Variants in RBFOX3 observed in about 807,000 individuals in gnomAD.
The protein encoded by RBFOX3 is RNA binding protein fox-1 homolog 3.
Under a neutral mutation model 48.7 loss-of-function variants are expected in RBFOX3, and 17 were observed. That is an observed-to-expected ratio of 0.35 (90% confidence interval 0.24 to 0.52). The LOEUF (loss-of-function observed/expected upper bound fraction) is 0.52, where lower values mean the gene tolerates loss of function less well. Among genes scored for constraint, RBFOX3 ranks in the 20% least tolerant of loss-of-function variants. The pLI is 0.94. For missense variants in RBFOX3, 382 were observed against 497.5 expected (o/e 0.77, Z 2.21); for synonymous variants, 212 against 209.5 (o/e 1.01, Z -0.10).
chr17:79,382,785 G>A (rs1017495533), intron 2 of RBFOX3, among the ~76,000 whole-genome samples: 1 of 152,194 alleles, frequency 6.6e-6, no homozygotes, highest in African/African-American at 2.4e-5. Context: ...TGATGCAAAA[G>A]GAACAGGGCT....
intron 3 of RBFOX3, among the ~76,000 whole-genome samples, chr17:79,307,259 C>A (rs897795880): frequency 6.6e-6 from 1 of 152,216 alleles, no homozygotes; most frequent in Non-Finnish European, 1.5e-5. Context: ...CGAGCTCCAC[C>A]GGGAGATCTT....
the RBFOX3 span, among the ~76,000 whole-genome samples, chr17:79,657,570 T>C: frequency 1.3e-5 from 2 of 152,156 alleles, no homozygotes; most frequent in East Asian, 3.9e-4. Flanking sequence ...TCCCAGCTAC[T>C]CAGGAGGCTG....
chr17:79,635,178 C>T, the RBFOX3 span, among the ~76,000 whole-genome samples: 34,413 of 149,006 alleles, frequency 0.23, 4,173 homozygotes, highest in South Asian at 0.33. Context: ...CAGATCTGAG[C>T]AGTGAGGCAT....
rs578205732 is a variant in RBFOX3, at chr17:79,132,115, G to A, written c.-33-16367C>T. Among the ~76,000 whole-genome samples the A allele has an allele frequency of 1.3e-5, 2 of 152,190 alleles. 1 individual carries two copies. The highest frequency in any genetic ancestry group is 4.2e-4 in the South Asian group (2 of 4,814). Reference sequence around the variant, plus strand: ...CAGGTGCAGAGCGGGGTGCTGGGAGGTGAGTTCACCTCGATGGTCAATCAG... The same window carrying A: ...CAGGTGCAGAGCGGGGTGCTGGGAGATGAGTTCACCTCGATGGTCAATCAG... On this transcript the variant is annotated intron_variant, in intron 4 of 14. Transcript: ENST00000693108.
intron 4 of RBFOX3, among the ~76,000 whole-genome samples, chr17:79,221,309 A>G (rs1002520291): frequency 6.6e-6 from 1 of 152,246 alleles, no homozygotes; most frequent in African/African-American, 2.4e-5. Context: ...TAGACAAAAG[A>G]GACTTCTTTC....
At chr17:79,160,130 G>T (rs949748563) in intron 4 of RBFOX3, among the ~76,000 whole-genome samples, 1 of 152,254 alleles carries the variant, frequency 6.6e-6, no homozygotes, top group African/African-American at 2.4e-5. Context: ...ATTCTCCTGA[G>T]ATCTGTGAGT....
intron 4 of RBFOX3, among the ~76,000 whole-genome samples, chr17:79,150,374 T>C (rs2044152862): frequency 6.6e-6 from 1 of 152,038 alleles, no homozygotes; most frequent in Non-Finnish European, 1.5e-5. Flanking sequence ...GCCTGGCCGT[T>C]CTCTGGGCTC....
At chr17:79,150,028 T>TGGGGGGTGGGGGTGGGGGTTGAGGGG (rs2044025014) in intron 4 of RBFOX3, among the ~76,000 whole-genome samples, 1 of 14,592 alleles carries the variant, frequency 6.9e-5, no homozygotes, top group Non-Finnish European at 1.2e-4. Flanking sequence ...GGGTTGAGGG[T>TGGGGGGTGGGGGTGGGGGTTGAGGGG]GGGGGGTGGG....
chr17:79,270,699 G>C (rs903952822), intron 3 of RBFOX3, among the ~76,000 whole-genome samples: 4 of 152,256 alleles, frequency 2.6e-5, no homozygotes, highest in Non-Finnish European at 5.9e-5. Flanking sequence ...GGAGGGGAAA[G>C]AGGCAGTTCT....
intron 2 of RBFOX3, among the ~76,000 whole-genome samples, chr17:79,355,056 T>C (rs1024348257): frequency 1.3e-5 from 2 of 152,214 alleles, no homozygotes; most frequent in African/African-American, 4.8e-5. Context: ...CTCCTCTTTA[T>C]AGCCCCACAC....
intron 1 of RBFOX3, among the ~76,000 whole-genome samples, chr17:79,566,167 C>T (rs1043493952): frequency 3.3e-5 from 5 of 152,174 alleles, no homozygotes; most frequent in African/African-American, 1.2e-4. Context: ...CCCTATGGCA[C>T]ATCTCTAGAG....
At chr17:79,138,819 ACC>A (rs566841655) in intron 4 of RBFOX3, among the ~76,000 whole-genome samples, 2,379 of 87,842 alleles carry the variant, frequency 0.027, 108 homozygotes, top group African/African-American at 0.11. Context: ...ATGCGTTCAC[ACC>A]CCCTCACCCA....
intron 3 of RBFOX3, among the ~76,000 whole-genome samples, chr17:79,290,132 G>A (rs780318666): frequency 2.0e-5 from 3 of 152,052 alleles, no homozygotes; most frequent in Non-Finnish European, 2.9e-5. Context: ...AGCACATGCT[G>A]TAGGGGGGTC....
chr17:79,287,940 C>T (rs1004145631), intron 3 of RBFOX3, among the ~76,000 whole-genome samples: 17 of 152,190 alleles, frequency 1.1e-4, no homozygotes, highest in Admixed American at 3.3e-4. Flanking sequence ...GTGCATGGGA[C>T]GCGCTCTGCC....
chr17:79,114,385 T>C (rs530313473), intron 5 of RBFOX3, among the ~76,000 whole-genome samples: 1 of 152,200 alleles, frequency 6.6e-6, no homozygotes, highest in South Asian at 2.1e-4. Flanking sequence ...AGATTCGGGC[T>C]GGGCGGGGCT....
intron 2 of RBFOX3, among the ~76,000 whole-genome samples, chr17:79,341,611 C>T (rs1156729625): frequency 2.0e-5 from 3 of 152,132 alleles, no homozygotes; most frequent in Non-Finnish European, 4.4e-5. Flanking sequence ...CACATGGAGG[C>T]TCCTTGTTGG....
chr17:79,655,687 A>G, the RBFOX3 span, among the ~76,000 whole-genome samples: 2 of 152,306 alleles, frequency 1.3e-5, no homozygotes, highest in East Asian at 3.9e-4. Flanking sequence ...TGAGACTCTT[A>G]TGAGGTAGAA....
chr17:79,310,315 C>G (rs566974958), intron 2 of RBFOX3, among the ~76,000 whole-genome samples: 1 of 152,280 alleles, frequency 6.6e-6, no homozygotes, highest in African/African-American at 2.4e-5. Flanking sequence ...AGGCCCTTCA[C>G]AGTCAGTTTT....
chr17:79,611,645 G>A (rs887265315), upstream of RBFOX3, among the ~76,000 whole-genome samples: 11 of 152,138 alleles, frequency 7.2e-5, no homozygotes, highest in Non-Finnish European at 1.5e-4. Context: ...CCCCAGCAAT[G>A]GGACGTGGTC....
Sources: allele counts gnomAD v4.1 joint callset (sites outside exome capture counted in the v4.1 genomes callset), GRCh38; gene constraint gnomAD v4.1.1; transcripts MANE v1.5; gene names NCBI Gene and HGNC (gene_info 2026-07-23, HGNC 2026-07-21).